The following PRKCE variants were observed in gnomAD, a reference collection of about 807,000 sequenced individuals.
PRKCE encodes protein kinase C epsilon type.
PRKCE carries 16 observed loss-of-function variants against 85.4 expected under a neutral mutation model. The ratio of observed to expected loss-of-function variants is 0.19; its 90% CI spans 0.13 to 0.28. The LOEUF (loss-of-function observed/expected upper bound fraction) is 0.28, where lower values mean the gene tolerates loss of function less well. PRKCE is among the 10% of genes least tolerant of loss of function. The pLI is 1.00. For missense variants in PRKCE, 573 were observed against 975.2 expected (o/e 0.59, Z 5.49); for synonymous variants, 388 against 371.5 (o/e 1.04, Z -0.51).
intron 10 of PRKCE, among the ~76,000 whole-genome samples, chr2:46,050,669 A>T (rs929719952): frequency 3.9e-5 from 6 of 152,174 alleles, no homozygotes; most frequent in African/African-American, 1.4e-4. Flanking sequence ...CTAAAGGTAA[A>T]GGTATCTGGG....
At chr2:45,913,336 G>A (rs183297458) in intron 2 of PRKCE, among the ~76,000 whole-genome samples, 3 of 152,276 alleles carry the variant, frequency 2.0e-5, no homozygotes, top group Non-Finnish European at 4.4e-5. Flanking sequence ...TTTTTGTAGA[G>A]ACAAGGTTTT....
At chr2:45,810,058 G>T (rs1045456957) in intron 1 of PRKCE, among the ~76,000 whole-genome samples, 1 of 136,290 alleles carries the variant, frequency 7.3e-6, no homozygotes, top group African/African-American at 2.6e-5. Flanking sequence ...AACTTTTTTT[G>T]AGATGAAGTC....
intron 1 of PRKCE, among the ~76,000 whole-genome samples, chr2:45,756,862 A>G (rs764562071): frequency 6.6e-6 from 1 of 152,168 alleles, no homozygotes; most frequent in Non-Finnish European, 1.5e-5. Context: ...CTATGAGGAA[A>G]CTTTGTGGGC....
chr2:46,050,327 G>C (rs988686353), intron 10 of PRKCE, among the ~76,000 whole-genome samples: 3 of 152,274 alleles, frequency 2.0e-5, no homozygotes, highest in Non-Finnish European at 4.4e-5. Flanking sequence ...GTGAGAAGCT[G>C]TCAGGGTTTA....
At chr2:45,659,874 G>C (rs1675557910) in intron 1 of PRKCE, among the ~76,000 whole-genome samples, 1 of 145,914 alleles carries the variant, frequency 6.9e-6, no homozygotes. Flanking sequence ...ACCTCTATCT[G>C]ATACGCTATT....
At chr2:45,965,372 T>C (rs188740038) in intron 2 of PRKCE, among the ~76,000 whole-genome samples, 47 of 152,390 alleles carry the variant, frequency 3.1e-4, no homozygotes, top group Admixed American at 3.1e-3. Flanking sequence ...CTTTGATTTT[T>C]AGTACCTGGT....
intron 10 of PRKCE, among the ~76,000 whole-genome samples, chr2:46,077,004 G>A (rs866544149): frequency 1.6e-4 from 25 of 152,122 alleles, no homozygotes; most frequent in African/African-American, 5.8e-4. Flanking sequence ...AGGGGGAATC[G>A]GGGAGGTGTT....
At chr2:46,146,361 G>A (rs564435469) in intron 12 of PRKCE, among the ~76,000 whole-genome samples, 4 of 152,266 alleles carry the variant, frequency 2.6e-5, no homozygotes, top group African/African-American at 7.2e-5. Context: ...GTTTGAGCAC[G>A]TGCTAGGCAC....
chr2:45,808,267 C>T (rs922445879), intron 1 of PRKCE, among the ~76,000 whole-genome samples: 1 of 152,142 alleles, frequency 6.6e-6, no homozygotes, highest in Non-Finnish European at 1.5e-5. Flanking sequence ...TGGAGTAGGG[C>T]ACATGGTAGA....
chr2:45,843,842 G>T (rs1023316276), intron 2 of PRKCE, among the ~76,000 whole-genome samples: 4 of 152,200 alleles, frequency 2.6e-5, no homozygotes, highest in African/African-American at 9.7e-5. Flanking sequence ...TCCATCTGTG[G>T]GCAGGGGGAC....
At chr2:45,661,282 A>G (rs1251172423) in intron 1 of PRKCE, among the ~76,000 whole-genome samples, 1 of 151,802 alleles carries the variant, frequency 6.6e-6, no homozygotes, top group East Asian at 1.9e-4. Context: ...TCCCGGGTTC[A>G]AGCGATTCTC....
intron 2 of PRKCE, among the ~76,000 whole-genome samples, chr2:45,850,627 G>A (rs968974831): frequency 2.0e-5 from 3 of 152,160 alleles, no homozygotes; most frequent in African/African-American, 4.8e-5. Context: ...CAGTTTTATT[G>A]ATTTTCCTTA....
At chr2:46,058,646 C>G (rs184380732) in intron 10 of PRKCE, among the ~76,000 whole-genome samples, 47 of 152,222 alleles carry the variant, frequency 3.1e-4, no homozygotes, top group Non-Finnish European at 5.3e-4. Flanking sequence ...CTCGACACTT[C>G]CAGTCTTCCA....
intron 1 of PRKCE, among the ~76,000 whole-genome samples, chr2:45,721,916 C>T (rs1313094198): frequency 6.6e-6 from 1 of 150,582 alleles, no homozygotes; most frequent in East Asian, 1.9e-4. Context: ...GGGATTTGAG[C>T]ATCTTTCTTT....
intron 1 of PRKCE, among the ~76,000 whole-genome samples, chr2:45,741,610 C>T (rs889295120): frequency 2.0e-5 from 3 of 152,200 alleles, no homozygotes; most frequent in South Asian, 4.1e-4. Flanking sequence ...CCGGCTCAGC[C>T]TGGCAGATGG....
At chr2:46,115,874 A>G (rs749853584) in intron 11 of PRKCE, among the ~76,000 whole-genome samples, 2 of 152,122 alleles carry the variant, frequency 1.3e-5, no homozygotes, top group African/African-American at 4.8e-5. Flanking sequence ...CTCTTTGTAT[A>G]TGACTCTTCA....
intron 1 of PRKCE, among the ~76,000 whole-genome samples, chr2:45,731,203 G>T (rs1184151954): frequency 6.6e-6 from 1 of 152,146 alleles, no homozygotes. Flanking sequence ...TACAGCTAGT[G>T]TCAGGAGAGC....
intron 8 of PRKCE, among the ~76,000 whole-genome samples, chr2:46,005,417 A>G (rs1298377558): frequency 3.3e-5 from 5 of 152,172 alleles, no homozygotes; most frequent in Non-Finnish European, 5.9e-5. Context: ...CAGCCTGACA[A>G]TGGTGCCTTG....
At chr2:45,950,173 CAA>C (rs1309163880) in intron 2 of PRKCE, among the ~76,000 whole-genome samples, 3 of 152,120 alleles carry the variant, frequency 2.0e-5, no homozygotes, top group Non-Finnish European at 4.4e-5. Flanking sequence ...GGGAACATAA[CAA>C]AATAGTTTTC....
Sources: gnomAD v4.1 joint callset for allele counts (sites outside exome capture counted in the v4.1 genomes callset) on GRCh38, gnomAD v4.1.1 for gene constraint, MANE v1.5 for transcripts, NCBI Gene and HGNC (gene_info 2026-07-23, HGNC 2026-07-21) for gene names.